Variants in ARHGAP26 observed in about 807,000 individuals in gnomAD.
ARHGAP26 encodes the protein rho GTPase-activating protein 26.
Under a neutral mutation model 104.8 loss-of-function variants are expected in ARHGAP26, and 38 were observed. The ratio of observed to expected loss-of-function variants is 0.36; its 90% CI spans 0.28 to 0.48. The LOEUF (loss-of-function observed/expected upper bound fraction) is 0.48. Ranked by LOEUF, ARHGAP26 falls within the 20% of genes least tolerant of loss-of-function variation. The pLI is 0.99. For synonymous variants in ARHGAP26, 341 were observed against 340.0 expected (o/e 1.00, Z -0.03); for missense variants, 704 against 947.9 (o/e 0.74, Z 3.38).
At chr5:143,216,744 T>C (rs1810400466) in intron 22 of ARHGAP26, 1 of 153,976 alleles carries the variant, frequency 6.5e-6, no homozygotes, top group Admixed American at 6.4e-5. Flanking sequence ...ACCTTTCAAA[T>C]TCCCTGAGGA....
At chr5:143,216,802 T>C (rs1464647948) in intron 22 of ARHGAP26, 1 of 153,488 alleles carries the variant, frequency 6.5e-6, no homozygotes, top group South Asian at 2.0e-4. Flanking sequence ...CAGTGTTGAC[T>C]GAGTTGCAGT....
chr5:142,849,205 A>G (rs530743433), intron 1 of ARHGAP26, among the ~76,000 whole-genome samples: 1 of 152,272 alleles, frequency 6.6e-6, no homozygotes, highest in African/African-American at 2.4e-5. Flanking sequence ...TCTCAGGATA[A>G]TTTTCACTAG....
chr5:142,928,625 C>G (rs37187), intron 10 of ARHGAP26, among the ~76,000 whole-genome samples: 45,539 of 151,994 alleles, frequency 0.3, 8,079 homozygotes, highest in African/African-American at 0.47. Flanking sequence ...CATCCTGGCT[C>G]TATTATCTTG....
chr5:142,985,591 G>T lies in ARHGAP26; in HGVS notation c.1108-28489G>T, dbSNP rs1266076631. Among the ~76,000 whole-genome samples, 3 of 151,024 alleles carry T rather than the reference G, an allele frequency of 2.0e-5. No individual in the cohort carries two copies. The East Asian group carries it at 5.9e-4, about 29-fold the overall frequency. ...TACATATGTATACATGTGCCATGTT[G>T]GTGTGCTGCACCCATTAACTTGTCA... is the stretch of plus-strand genomic sequence containing the variant. On this transcript the variant is annotated intron_variant, in intron 11 of 22. Transcript: ENST00000645722.
intron 11 of ARHGAP26, among the ~76,000 whole-genome samples, chr5:142,995,520 C>T (rs1354849485): frequency 3.9e-5 from 6 of 152,056 alleles, no homozygotes; most frequent in South Asian, 2.1e-4. Context: ...TAACAGATGC[C>T]GGAAAGGATG....
chr5:142,982,490 G>A (rs1016161276), intron 11 of ARHGAP26, among the ~76,000 whole-genome samples: 1 of 152,152 alleles, frequency 6.6e-6, no homozygotes, highest in Non-Finnish European at 1.5e-5. Flanking sequence ...AGGAAGGAGC[G>A]GGCAGGGCTG....
At chr5:142,815,197 C>T (rs955412829) in intron 1 of ARHGAP26, among the ~76,000 whole-genome samples, 1 of 151,996 alleles carries the variant, frequency 6.6e-6, no homozygotes, top group African/African-American at 2.4e-5. Flanking sequence ...GATATGGTTT[C>T]ACCATGTTGG....
At chr5:143,127,536 C>T (rs1359262798) in intron 18 of ARHGAP26, among the ~76,000 whole-genome samples, 2 of 152,166 alleles carry the variant, frequency 1.3e-5, no homozygotes, top group Admixed American at 6.5e-5. Flanking sequence ...TAACTTTCAA[C>T]CTCAGATGTC....
At chr5:142,907,111 G>C (rs953590538) in intron 8 of ARHGAP26, among the ~76,000 whole-genome samples, 1 of 152,128 alleles carries the variant, frequency 6.6e-6, no homozygotes, top group African/African-American at 2.4e-5. Flanking sequence ...GTTACATGTG[G>C]GCATTGACAG....
intron 17 of ARHGAP26, among the ~76,000 whole-genome samples, chr5:143,081,096 TG>T (rs1789747213): frequency 6.6e-6 from 1 of 151,912 alleles, no homozygotes; most frequent in Non-Finnish European, 1.5e-5. Context: ...ATTGTTGTGG[TG>T]GAGTGGGTGG....
intron 17 of ARHGAP26, among the ~76,000 whole-genome samples, chr5:143,093,854 A>G (rs1791855126): frequency 1.3e-5 from 2 of 152,156 alleles, no homozygotes; most frequent in Admixed American, 1.3e-4. Context: ...GATTTTTGTG[A>G]GGTTCAACCC....
intron 17 of ARHGAP26, among the ~76,000 whole-genome samples, chr5:143,097,293 C>T (rs903839032): frequency 2.1e-5 from 3 of 142,812 alleles, no homozygotes; most frequent in Non-Finnish European, 4.5e-5. Flanking sequence ...TGCAGTGAGC[C>T]GAGATTGTAC....
chr5:142,900,319 C>G (rs554845206), intron 6 of ARHGAP26, among the ~76,000 whole-genome samples: 1 of 149,848 alleles, frequency 6.7e-6, no homozygotes, highest in African/African-American at 2.5e-5. Flanking sequence ...GGGCTTACCA[C>G]TCATTCACGG....
Position 143,166,843 on chromosome 5 carries a change from A to G in ARHGAP26, c.1988+19462A>G, listed in dbSNP as rs574436017. 1.9e-4 allele frequency among the ~76,000 whole-genome samples: 29 copies of G among 152,326 alleles called. No homozygotes were observed. The South Asian group carries it at 5.6e-3, about 29-fold the overall frequency. On this transcript the variant is annotated intron_variant, in intron 20 of 22. Coordinates refer to ENST00000645722, the MANE Select transcript of ARHGAP26 (RefSeq NM_001135608.3). The stretch of plus-strand genomic sequence containing the variant: ...GACATACCTTTTGCAGACAATTACA[A>G]CAAACTTGGCTCCTTGGCTTTCTGC...
rs11369150 is a variant in ARHGAP26 at position 142,949,232 on chromosome 5, G to GAGAGAGAGAGAGAGAGAGAGAGAGA, written c.1107+17107_1107+17108insAGAGAGAGAGAGAGAGAGAGAGAGA. On this transcript the variant is annotated intron_variant, in intron 11 of 22. Transcript: ENST00000645722. ...GAGAGAGAGAGAGAGGAGAGAGAGAGGAGAGAGAGAGAGAGAGAGAGAGAG... is the reference window on the plus strand; with the variant it reads ...GAGAGAGAGAGAGAGGAGAGAGAGAGAGAGAGAGAGAGAGAGAGAGAGAGAGAGAGAGAGAGAGAGAGAGAGAGAG... Among the ~76,000 whole-genome samples the GAGAGAGAGAGAGAGAGAGAGAGAGA allele has an allele frequency of 1.1e-4, 3 of 27,324 alleles. 1 individual carries two copies. The highest frequency in any genetic ancestry group is 1.8e-4 in the Non-Finnish European group (3 of 16,974). The allele number at this position is 27,324 out of a possible 152,430, so 17.9% of individuals were successfully genotyped here. A position where few individuals can be genotyped will look rare whatever the true frequency, so the allele number is the denominator to read the frequency against.
intron 11 of ARHGAP26, among the ~76,000 whole-genome samples, chr5:142,961,027 A>G (rs768144449): frequency 2.0e-4 from 31 of 152,166 alleles, no homozygotes; most frequent in Non-Finnish European, 3.5e-4. Context: ...GCTTCTATCA[A>G]ATCACCTGCT....
chr5:143,143,778 T>A (rs1462634317), intron 19 of ARHGAP26, among the ~76,000 whole-genome samples: 1 of 152,234 alleles, frequency 6.6e-6, no homozygotes, highest in Non-Finnish European at 1.5e-5. Context: ...TAATGGATGC[T>A]GTATGGCCAG....
At chr5:143,220,120 A>G (rs902903410) in intron 22 of ARHGAP26, among the ~76,000 whole-genome samples, 1 of 152,268 alleles carries the variant, frequency 6.6e-6, no homozygotes, top group Admixed American at 6.5e-5. Context: ...CAGTGCATCC[A>G]GTAGAGTAAT....
chr5:143,017,115 T>A (rs1305213371), intron 12 of ARHGAP26, among the ~76,000 whole-genome samples: 1 of 152,170 alleles, frequency 6.6e-6, no homozygotes, highest in Admixed American at 6.5e-5. Context: ...ATGTCTAGAG[T>A]CCAAATTCCA....
Sources: allele counts gnomAD v4.1 joint callset (sites outside exome capture counted in the v4.1 genomes callset), GRCh38; gene constraint gnomAD v4.1.1; transcripts MANE v1.5; gene names NCBI Gene and HGNC (gene_info 2026-07-23, HGNC 2026-07-21).